Variants in MPRIP observed in about 807,000 individuals in gnomAD.
The protein encoded by MPRIP is myosin phosphatase Rho-interacting protein.
Under a neutral mutation model 234.9 loss-of-function variants are expected in MPRIP, and 59 were observed. The observed-to-expected ratio is 0.25, with a 90% CI of 0.20 to 0.31. The LOEUF (loss-of-function observed/expected upper bound fraction) is 0.31. Ranked by LOEUF, MPRIP falls within the 10% of genes least tolerant of loss-of-function variation. The pLI is 1.00. For synonymous variants in MPRIP, 1,144 were observed against 1,263.9 expected (o/e 0.91, Z 2.01); for missense variants, 2,436 against 3,071.0 (o/e 0.79, Z 4.89).
chr17:17,123,320 CTTTAGGTAAAT>C (rs2090427791), intron 3 of MPRIP, among the ~76,000 whole-genome samples: 2 of 152,084 alleles, frequency 1.3e-5, no homozygotes, highest in Admixed American at 6.6e-5. Flanking sequence ...GAACTGTACA[CTTTAGGTAAAT>C]TGTATGTAAA....
chr17:17,046,636 G>A (rs759728117), intron 1 of MPRIP, among the ~76,000 whole-genome samples: 2 of 152,076 alleles, frequency 1.3e-5, no homozygotes, highest in African/African-American at 2.4e-5. Context: ...TTGCCTGTTC[G>A]TATTGCTTGC....
chr17:17,147,223 AG>A, intron 10 of MPRIP, 95 bp from the exon 11 acceptor site: 1 of 1,081,970 alleles, frequency 9.2e-7, no homozygotes. Context: ...GTGCTCTGGG[AG>A]GGCCCCACAG....
Position 17,166,589 on chromosome 17 carries a change from A to T in MPRIP, c.4998A>T (p.Thr1666=). 7.7e-7 allele frequency: 1 copy of T among 1,304,138 alleles called. No homozygotes were observed. Among genetic ancestry groups the T allele is most frequent in the Non-Finnish European group, 1.0e-6 (1 of 988,936 alleles). 80.8% of individuals were successfully genotyped at this position (1,304,138 alleles called of 1,614,324 possible). A position where few individuals can be genotyped will look rare whatever the true frequency, so the allele number is the denominator to read the frequency against. Residue 1666 remains threonine, a synonymous_variant, in exon 16 of 24, where the codon ACA becomes ACT. Transcript: ENST00000651222. The surrounding 1 kb of genome is among the most constrained non-coding windows in gnomAD (Gnocchi z 4.4). ...QGLAPILANA[T]WVRAELSFAT... ...TGGCCCCCATCCTGGCCAATGCCAC[A>T]TGGGTCAGGGCAGAGCTCAGCTTTG...
intron 1 of MPRIP, among the ~76,000 whole-genome samples, chr17:17,059,737 C>T (rs1032374584): frequency 6.6e-6 from 1 of 152,212 alleles, no homozygotes; most frequent in Admixed American, 6.5e-5. Flanking sequence ...CTTGCAGAGG[C>T]TGGTAGACAT....
At chr17:17,076,774 T>G (rs2089338936) in intron 2 of MPRIP, among the ~76,000 whole-genome samples, 1 of 152,126 alleles carries the variant, frequency 6.6e-6, no homozygotes, top group South Asian at 2.1e-4. Context: ...AGTAGTTCCC[T>G]TTCCTATTTT....
rs187035007 is a variant in MPRIP, at chr17:17,164,501, G to A, written c.2910G>A (p.Thr970=). Residue 970 remains threonine, a synonymous_variant, in exon 16 of 24, where the codon ACG becomes ACA. Transcript: ENST00000651222. ...KSAEALLLEK[T]QELRGLETQQ... ...CTGAGGCCCTGCTGCTGGAGAAGAC[G>A]CAGGAGCTACGGGGCCTGGAGACAC... 574 of 1,212,050 alleles carry A rather than the reference G, an allele frequency of 4.7e-4. 4 individuals are homozygous for A. The highest frequency in any genetic ancestry group is 8.7e-5 in the Non-Finnish European group (83 of 950,236). 75.1% of individuals were successfully genotyped at this position (1,212,050 alleles called of 1,614,324 possible).
At chr17:17,123,788 G>A (rs1003225028) in intron 3 of MPRIP, among the ~76,000 whole-genome samples, 2 of 151,926 alleles carry the variant, frequency 1.3e-5, no homozygotes, top group African/African-American at 2.4e-5. Flanking sequence ...ATTAAGAGCA[G>A]GAAGTTTTTT....
chr17:17,050,314 CAA>C (rs66950979), intron 1 of MPRIP, among the ~76,000 whole-genome samples: 248 of 92,276 alleles, frequency 2.7e-3, no homozygotes, highest in Middle Eastern at 0.012. Context: ...GACTCCGTCT[CAA>C]AAAAAAAAAA....
At chr17:17,060,269 C>G (rs892381035) in intron 1 of MPRIP, among the ~76,000 whole-genome samples, 20 of 152,238 alleles carry the variant, frequency 1.3e-4, no homozygotes, top group African/African-American at 2.4e-5. Context: ...TGCAGCCTCC[C>G]AGGGCCGTGG....
At chr17:17,107,145 A>G (rs1226373080) in intron 3 of MPRIP, among the ~76,000 whole-genome samples, 3 of 152,196 alleles carry the variant, frequency 2.0e-5, no homozygotes, top group Non-Finnish European at 2.9e-5. Flanking sequence ...GGGTGTCGGG[A>G]TTTAATGGGC....
chr17:17,173,450 AC>A (rs2046188151), intron 18 of MPRIP, among the ~76,000 whole-genome samples: 1 of 152,180 alleles, frequency 6.6e-6, no homozygotes, highest in Admixed American at 6.5e-5. Context: ...AGGGTGGCCC[AC>A]CTGGAAGCCC....
chr17:17,140,466 G>A (rs1408197982), intron 7 of MPRIP, among the ~76,000 whole-genome samples: 1 of 152,098 alleles, frequency 6.6e-6, no homozygotes, highest in Non-Finnish European at 1.5e-5. Context: ...GGCTGCTGTC[G>A]CTTTCTGAGG....
At chr17:17,136,176 T>C (rs1007893952) in intron 5 of MPRIP, 43 bp from the exon 6 acceptor site, 1 of 1,611,606 alleles carries the variant, frequency 6.2e-7, no homozygotes, top group Non-Finnish European at 8.5e-7. Flanking sequence ...ACCTGAGCTG[T>C]GTGCTCCTGC....
chr17:17,167,691 A>G lies in MPRIP; in HGVS notation c.6100A>G (p.Thr2034Ala). 2 of 1,303,964 alleles carry G rather than the reference A, an allele frequency of 1.5e-6. No individual in the cohort carries two copies. The highest frequency in any genetic ancestry group is 2.5e-5 in the South Asian group (2 of 81,012). 80.8% of individuals were successfully genotyped at this position (1,303,964 alleles called of 1,614,324 possible). The change falls in exon 16 of 24, where the codon ACC becomes GCC. Residue 2034 changes from threonine (T) to alanine (A), a missense_variant. Coordinates refer to ENST00000651222, the MANE Select transcript of MPRIP (RefSeq NM_001364716.4). This position sits in a 1 kb window ranked among gnomAD's most constrained non-coding sequence, Gnocchi z 5.9. The part of the protein sequence containing the change: ...YSQSLRCLQD[T>A]LCLHQGPHPK... ...GCAGAGCCTGAGGTGCCTTCAGGACACCCTCTGCCTCCACCAGGGGCCACA... is the reference window on the plus strand; with the variant it reads ...GCAGAGCCTGAGGTGCCTTCAGGACGCCCTCTGCCTCCACCAGGGGCCACA...
chr17:17,043,429 G>T (rs1465484730), intron 1 of MPRIP, among the ~76,000 whole-genome samples: 1 of 152,152 alleles, frequency 6.6e-6, no homozygotes, highest in Non-Finnish European at 1.5e-5. Flanking sequence ...GTCAAGCACT[G>T]GAGAGAGGTG....
rs762579889 is a variant in MPRIP, at chr17:17,177,306, G to A, written c.7014G>A (p.Ala2338=). The part of the protein sequence containing the change: ...YKDIYTELSI[A]KAKADCDISR... ...ACATCTACACAGAGCTCAGCATCGC[G>A]AAGGCTAAGGCTGACTGTGACATCA... The change falls in exon 22 of 24, where the codon GCG becomes GCA. Residue 2338 remains alanine, a synonymous_variant. Transcript: ENST00000651222. 6.8e-6 allele frequency: 11 copies of A among 1,613,916 alleles called. No homozygotes were observed. The highest frequency in any genetic ancestry group is 2.2e-5 in the East Asian group (1 of 44,896).
chr17:17,109,736 C>A (rs1010008816), intron 3 of MPRIP, among the ~76,000 whole-genome samples: 1 of 151,488 alleles, frequency 6.6e-6, no homozygotes, highest in African/African-American at 2.4e-5. Context: ...ACCAGGGCTT[C>A]TGGAGGAAAT....
intron 9 of MPRIP, among the ~76,000 whole-genome samples, chr17:17,144,275 A>G (rs1456630191): frequency 6.6e-6 from 1 of 152,184 alleles, no homozygotes; most frequent in African/African-American, 2.4e-5. Flanking sequence ...ACAGCAGCTC[A>G]CCATGGGCCT....
chr17:17,148,420 A>G (rs1044632816), intron 11 of MPRIP, among the ~76,000 whole-genome samples: 2 of 152,214 alleles, frequency 1.3e-5, no homozygotes, highest in African/African-American at 2.4e-5. Flanking sequence ...AATGGGAGGT[A>G]AAGCCACTAG....
Sources: gnomAD v4.1 joint callset for allele counts (sites outside exome capture counted in the v4.1 genomes callset) on GRCh38, gnomAD v4.1.1 for gene constraint, Gnocchi (gnomAD v3.1) non-coding constraint, MANE v1.5 for transcripts, NCBI Gene and HGNC (gene_info 2026-07-23, HGNC 2026-07-21) for gene names.